The following TUSC3 variants were observed in gnomAD, a reference collection of about 807,000 sequenced individuals.
The protein encoded by TUSC3 is dolichyl-diphosphooligosaccharide--protein glycosyltransferase subunit TUSC3.
TUSC3 carries 45 observed loss-of-function variants against 44.8 expected under a neutral mutation model. That is an observed-to-expected ratio of 1.00 (90% CI 0.79 to 1.29). The LOEUF (loss-of-function observed/expected upper bound fraction) is 1.29. Ranked by LOEUF, TUSC3 falls within the 50% of genes most tolerant of loss-of-function variation. The pLI is 0.00. For synonymous variants in TUSC3, 212 were observed against 152.9 expected, an observed-to-expected ratio of 1.39 and a Z score of -2.85; for missense variants, 519 against 437.9, an observed-to-expected ratio of 1.19 and a Z score of -1.65.
At chr8:15,484,494 C>G (rs1354084277) in intron 2 of TUSC3, among the ~76,000 whole-genome samples, 1 of 152,162 alleles carries the variant, frequency 6.6e-6, no homozygotes, top group African/African-American at 2.4e-5. Context: ...ACGAAATAAT[C>G]CCATAAAAAA....
At chr8:15,768,668 A>G (rs549120611), downstream of TUSC3, among the ~76,000 whole-genome samples, 14 of 152,354 alleles carry the variant, frequency 9.2e-5, no homozygotes, top group Middle Eastern at 0.01. Context: ...TTTGTAGATG[A>G]CATGGTTGTA....
intron 1 of TUSC3, among the ~76,000 whole-genome samples, chr8:15,597,500 A>C (rs920869883): frequency 1.3e-5 from 2 of 152,130 alleles, no homozygotes; most frequent in African/African-American, 4.8e-5. Context: ...TGCCTTTGGC[A>C]CAGTGAGCTT....
At chr8:15,536,609 G>A (rs967610410), upstream of TUSC3, among the ~76,000 whole-genome samples, 2 of 147,450 alleles carry the variant, frequency 1.4e-5, no homozygotes, top group Non-Finnish European at 3.0e-5. Context: ...TTGAACCTGG[G>A]AGGCGGAGGT....
At chr8:15,592,463 G>A (rs1379741093) in intron 1 of TUSC3, among the ~76,000 whole-genome samples, 1 of 152,110 alleles carries the variant, frequency 6.6e-6, no homozygotes, top group Non-Finnish European at 1.5e-5. Context: ...ATGACATAGT[G>A]CCCTCCTTGT....
At chr8:15,843,643 CATCTAT>C in the TUSC3 span, among the ~76,000 whole-genome samples, 1 of 146,404 alleles carries the variant, frequency 6.8e-6, no homozygotes, top group Non-Finnish European at 1.5e-5. Context: ...CACATATATA[CATCTAT>C]ATCTACATGA....
At chr8:15,606,393 CTGG>C (rs1238583337) in intron 1 of TUSC3, among the ~76,000 whole-genome samples, 4 of 151,976 alleles carry the variant, frequency 2.6e-5, no homozygotes. Context: ...GGTAAGGCTT[CTGG>C]TCAGCAGTAA....
chr8:15,783,763 CAA>C, the TUSC3 span, among the ~76,000 whole-genome samples: 2 of 151,958 alleles, frequency 1.3e-5, no homozygotes, highest in African/African-American at 2.4e-5. Flanking sequence ...AAGAAGAAAA[CAA>C]AGGAGAAAAA....
At chr8:15,672,343 G>A (rs1807984344) in intron 5 of TUSC3, among the ~76,000 whole-genome samples, 1 of 152,028 alleles carries the variant, frequency 6.6e-6, no homozygotes, top group Non-Finnish European at 1.5e-5. Flanking sequence ...TCATGCTATA[G>A]ACAGGAAACT....
At chr8:15,839,408 G>C in the TUSC3 span, among the ~76,000 whole-genome samples, 2 of 152,082 alleles carry the variant, frequency 1.3e-5, no homozygotes, top group Non-Finnish European at 2.9e-5. Flanking sequence ...GATAGAAGTG[G>C]TGAGTGAGGG....
intron 6 of TUSC3, among the ~76,000 whole-genome samples, chr8:15,715,871 C>CT (rs971766122): frequency 6.6e-6 from 1 of 151,866 alleles, no homozygotes; most frequent in African/African-American, 2.4e-5. Flanking sequence ...GAAAACGTAT[C>CT]TTTTTTTAGT....
the TUSC3 span, among the ~76,000 whole-genome samples, chr8:15,811,062 G>C: frequency 2.0e-5 from 3 of 147,524 alleles, no homozygotes; most frequent in Admixed American, 6.6e-5. Context: ...GGAAAGAAAA[G>C]GGGGAAGCGT....
chr8:15,585,365 A>G (rs1035280611), intron 1 of TUSC3, among the ~76,000 whole-genome samples: 26 of 152,196 alleles, frequency 1.7e-4, no homozygotes, highest in Admixed American at 5.2e-4. Context: ...ATTCTGAGGT[A>G]TCACCTGGAG....
At chr8:15,675,813 C>A (rs1808163848) in intron 6 of TUSC3, among the ~76,000 whole-genome samples, 1 of 152,070 alleles carries the variant, frequency 6.6e-6, no homozygotes, top group African/African-American at 2.4e-5. Flanking sequence ...TGTATATGTA[C>A]CACATTTTCT....
intron 2 of TUSC3, among the ~76,000 whole-genome samples, chr8:15,484,202 A>C (rs1403932010): frequency 6.6e-6 from 1 of 152,130 alleles, no homozygotes; most frequent in Non-Finnish European, 1.5e-5. Flanking sequence ...ATTTACATGC[A>C]CTTATGCAAC....
At chr8:15,499,154 C>T (rs1175123805) in intron 2 of TUSC3, among the ~76,000 whole-genome samples, 1 of 152,096 alleles carries the variant, frequency 6.6e-6, no homozygotes, top group Non-Finnish European at 1.5e-5. Context: ...CACTGTGCCT[C>T]TTGTTAATGC....
At chr8:15,750,944 A>C (rs1811672339) in intron 9 of TUSC3, among the ~76,000 whole-genome samples, 1 of 152,206 alleles carries the variant, frequency 6.6e-6, no homozygotes, top group Non-Finnish European at 1.5e-5. Context: ...CCTAAGGAGG[A>C]GCTGCCAAGA....
chr8:15,808,799 A>G, the TUSC3 span, among the ~76,000 whole-genome samples: 1 of 152,118 alleles, frequency 6.6e-6, no homozygotes, highest in Non-Finnish European at 1.5e-5. Flanking sequence ...GCTCTTGGTC[A>G]CCTGGATTGC....
At chr8:15,829,546 G>A in the TUSC3 span, among the ~76,000 whole-genome samples, 4 of 151,868 alleles carry the variant, frequency 2.6e-5, no homozygotes, top group African/African-American at 4.8e-5. Context: ...AGTTGCAAAG[G>A]TCTCTCTCAA....
At chr8:15,815,437 G>C in the TUSC3 span, among the ~76,000 whole-genome samples, 5 of 152,244 alleles carry the variant, frequency 3.3e-5, no homozygotes, top group East Asian at 9.6e-4. Flanking sequence ...CTCTTAAGAA[G>C]TAGATGTGCT....
Sources: gnomAD v4.1 joint callset for allele counts (sites outside exome capture counted in the v4.1 genomes callset) on GRCh38, gnomAD v4.1.1 for gene constraint, MANE v1.5 for transcripts, NCBI Gene and HGNC (gene_info 2026-07-23, HGNC 2026-07-21) for gene names.